MFHAS1: variants seen among roughly 807,000 people sequenced by gnomAD.
The protein encoded by MFHAS1 is multifunctional ROCO family signaling regulator 1, also known as malignant fibrous histiocytoma-amplified sequence 1.
MFHAS1 carries 50 observed loss-of-function variants against 70.4 expected under a neutral mutation model. The observed-to-expected ratio is 0.71, with a 90% CI of 0.57 to 0.90. The LOEUF (loss-of-function observed/expected upper bound fraction) is 0.90. Ranked by LOEUF, MFHAS1 falls within the 40% of genes least tolerant of loss-of-function variation. MFHAS1 has a pLI of 0.00. For synonymous variants in MFHAS1, 952 were observed against 620.0 expected (o/e 1.54, Z -7.96); for missense variants, 1,795 against 1,347.6 (o/e 1.33, Z -5.20).
At chr8:8,856,378 C>A (rs1227366144) in intron 1 of MFHAS1, among the ~76,000 whole-genome samples, 1 of 152,104 alleles carries the variant, frequency 6.6e-6, no homozygotes, top group Non-Finnish European at 1.5e-5. Flanking sequence ...AGATACTTCC[C>A]CGTATTTCAA....
chr8:8,835,566 C>CT (rs1174040608), intron 1 of MFHAS1, among the ~76,000 whole-genome samples: 1 of 152,172 alleles, frequency 6.6e-6, no homozygotes, highest in Non-Finnish European at 1.5e-5. Context: ...TCCAAACTTG[C>CT]TATATAATGA....
chr8:8,805,274 G>A (rs966752403), intron 1 of MFHAS1, among the ~76,000 whole-genome samples: 1 of 152,144 alleles, frequency 6.6e-6, no homozygotes, highest in Non-Finnish European at 1.5e-5. Context: ...AAAAATCCAC[G>A]TATCATTTCT....
Position 8,891,505 on chromosome 8 carries a change from G to A in MFHAS1, c.1554C>T (p.Ser518=), listed in dbSNP as rs1485531512. 11 of 1,612,988 alleles carry A rather than the reference G, an allele frequency of 6.8e-6. No individual in the cohort carries two copies. The highest frequency in any genetic ancestry group is 9.3e-6 in the Non-Finnish European group (11 of 1,180,046). The change falls in exon 1 of 3, where the codon TCC becomes TCT. Residue 518 remains serine, a synonymous_variant. Transcript: ENST00000276282. The surrounding 1 kb of genome is among the most constrained non-coding windows in gnomAD (Gnocchi z 5.4). Reference sequence around the variant, plus strand: ...CTCTCGCCCCGACCCGATGCAAGAAGGAGCCCACGGTGGTAGGAAAGTGGC... The same window carrying A: ...CTCTCGCCCCGACCCGATGCAAGAAAGAGCCCACGGTGGTAGGAAAGTGGC... ...EPRHFPTTVG[S]FLHRVGARVP...
At chr8:8,801,404 A>G (rs1257355939) in intron 1 of MFHAS1, among the ~76,000 whole-genome samples, 2 of 152,192 alleles carry the variant, frequency 1.3e-5, no homozygotes, top group African/African-American at 2.4e-5. Context: ...AGTTTCACAC[A>G]TGTGAAAAAT....
intron 2 of MFHAS1, among the ~76,000 whole-genome samples, chr8:8,793,851 G>A (rs1805801149): frequency 1.3e-5 from 2 of 152,122 alleles, no homozygotes; most frequent in Non-Finnish European, 2.9e-5. Context: ...CTCATGCCTG[G>A]TCCCTTCCCT....
At chr8:8,889,909 T>C (rs979766264) in intron 1 of MFHAS1, 152 bp downstream of exon 1, 9 of 639,438 alleles carry the variant, frequency 1.4e-5, no homozygotes, top group Non-Finnish European at 1.1e-5. Context: ...TACTACCTTT[T>C]GCTCATCTCC....
chr8:8,893,129 G>A lies in MFHAS1; in HGVS notation c.-71C>T. On this transcript the variant is annotated 5_prime_UTR_variant, in exon 1 of 3. Transcript: ENST00000276282. ...AGCTACATGCCGCGCCGCGCCCCGG[G>A]CCCTCCGGCTCCTGCCCCTGCCTGC... 1.7e-6 allele frequency: 2 copies of A among 1,179,522 alleles called. No homozygotes were observed. Among genetic ancestry groups the A allele is most frequent in the Non-Finnish European group, 2.2e-6 (2 of 905,352 alleles). 73.1% of individuals were successfully genotyped at this position (1,179,522 alleles called of 1,614,324 possible). A position where few individuals can be genotyped will look rare whatever the true frequency, so the allele number is the denominator to read the frequency against.
At chr8:8,792,689 A>C (rs1805759503) in intron 2 of MFHAS1, among the ~76,000 whole-genome samples, 1 of 152,234 alleles carries the variant, frequency 6.6e-6, no homozygotes. Flanking sequence ...TTAACTGCAA[A>C]TAGGCAGGAG....
At chr8:8,848,023 G>A (rs548729185) in intron 1 of MFHAS1, among the ~76,000 whole-genome samples, 105 of 152,288 alleles carry the variant, frequency 6.9e-4, no homozygotes, top group Non-Finnish European at 1.1e-3. Context: ...CCCATCCTAG[G>A]ATAAAAGGTG....
chr8:8,805,389 G>T (rs910971167), intron 1 of MFHAS1, among the ~76,000 whole-genome samples: 2 of 152,190 alleles, frequency 1.3e-5, no homozygotes, highest in African/African-American at 4.8e-5. Flanking sequence ...CATATAGCAT[G>T]TGCTGTATTC....
chr8:8,839,695 G>A (rs1807730858), intron 1 of MFHAS1, among the ~76,000 whole-genome samples: 2 of 152,140 alleles, frequency 1.3e-5, no homozygotes, highest in Admixed American at 6.5e-5. Flanking sequence ...TTTATTCCTA[G>A]GTCTGGCTGA....
At chr8:8,884,731 G>C (rs527690537) in intron 1 of MFHAS1, among the ~76,000 whole-genome samples, 1 of 152,274 alleles carries the variant, frequency 6.6e-6, no homozygotes, top group Admixed American at 6.5e-5. Flanking sequence ...TTGGAAGGCT[G>C]AGGCAGGCAG....
intron 1 of MFHAS1, among the ~76,000 whole-genome samples, chr8:8,800,478 G>A (rs1033289051): frequency 4.4e-4 from 67 of 152,312 alleles, no homozygotes; most frequent in African/African-American, 1.5e-3. Flanking sequence ...TAGTAAGTCA[G>A]AAGCCCTCTG....
rs190884604 is a variant in MFHAS1, at chr8:8,823,878, C to G, written c.2999-26387G>C. Among the ~76,000 whole-genome samples, 272 of 131,116 alleles carry G rather than the reference C, an allele frequency of 2.1e-3. 2 individuals are homozygous for G. Among genetic ancestry groups the G allele is most frequent in the African/African-American group, 7.2e-3 (257 of 35,596 alleles). The allele number at this position is 131,116 out of a possible 152,430, so 86.0% of individuals were successfully genotyped here. A position where few individuals can be genotyped will look rare whatever the true frequency, so the allele number is the denominator to read the frequency against. On this transcript the variant is annotated intron_variant, in intron 1 of 2. Transcript: ENST00000276282. ...CCATGCGCTTCAAAGATCTTAGCCA[C>G]GTCGTGCATAATGTATGAGTGAGCG...
intron 1 of MFHAS1, among the ~76,000 whole-genome samples, chr8:8,830,620 T>C (rs756189807): frequency 1.3e-4 from 20 of 152,208 alleles, no homozygotes; most frequent in Non-Finnish European, 1.6e-4. Context: ...TATTTCTTTT[T>C]GAGATGGATT....
intron 1 of MFHAS1, among the ~76,000 whole-genome samples, chr8:8,832,910 A>G (rs1258632657): frequency 6.6e-6 from 1 of 152,188 alleles, no homozygotes; most frequent in Non-Finnish European, 1.5e-5. Context: ...TGCTATAAAG[A>G]AATACTTGAG....
At chr8:8,885,616 C>A (rs576278859) in intron 1 of MFHAS1, among the ~76,000 whole-genome samples, 1 of 152,142 alleles carries the variant, frequency 6.6e-6, no homozygotes, top group South Asian at 2.1e-4. Context: ...ACAGGACCAA[C>A]CAATGAGAAG....
At chr8:8,883,745 T>A (rs959475108) in intron 1 of MFHAS1, among the ~76,000 whole-genome samples, 1 of 140,044 alleles carries the variant, frequency 7.1e-6, no homozygotes, top group Non-Finnish European at 1.5e-5. Context: ...AGGGCTCCCA[T>A]GGATAGAAGC....
intron 1 of MFHAS1, among the ~76,000 whole-genome samples, chr8:8,881,246 G>A (rs1809511857): frequency 6.6e-6 from 1 of 152,154 alleles, no homozygotes; most frequent in African/African-American, 2.4e-5. Flanking sequence ...TGTTCTGAAG[G>A]ATTTAGTGCC....
Sources: gnomAD v4.1 joint callset for allele counts (sites outside exome capture counted in the v4.1 genomes callset) on GRCh38, gnomAD v4.1.1 for gene constraint, Gnocchi (gnomAD v3.1) non-coding constraint, MANE v1.5 for transcripts, NCBI Gene and HGNC (gene_info 2026-07-23, HGNC 2026-07-21) for gene names.